Variants in RUNDC3B observed in about 807,000 individuals in gnomAD.
RUNDC3B encodes RUN domain containing 3B.
Under a neutral mutation model 58.4 loss-of-function variants are expected in RUNDC3B, and 33 were observed. The ratio of observed to expected loss-of-function variants is 0.56; its 90% confidence interval spans 0.43 to 0.75. The LOEUF (loss-of-function observed/expected upper bound fraction) is 0.75, where lower values mean the gene tolerates loss of function less well. RUNDC3B is among the 30% of genes least tolerant of loss of function. The pLI, the probability that RUNDC3B is intolerant of heterozygous loss-of-function variation, is 0.00. For synonymous variants in RUNDC3B, 193 were observed against 195.2 expected (o/e 0.99, Z 0.10); for missense variants, 501 against 535.7 (o/e 0.94, Z 0.64).
At chr7:87,724,320 CT>C (rs1223392071) in intron 4 of RUNDC3B, among the ~76,000 whole-genome samples, 1 of 152,020 alleles carries the variant, frequency 6.6e-6, no homozygotes, top group Non-Finnish European at 1.5e-5. Flanking sequence ...TAATGCTATG[CT>C]AAAAGCAGGG....
intron 6 of RUNDC3B, among the ~76,000 whole-genome samples, chr7:87,757,167 A>G (rs1833420735): frequency 6.6e-6 from 1 of 152,148 alleles, no homozygotes; most frequent in Non-Finnish European, 1.5e-5. Context: ...CTCCTGAGAC[A>G]TAGTTACTGT....
intron 10 of RUNDC3B, among the ~76,000 whole-genome samples, chr7:87,820,467 G>T (rs1321774360): frequency 6.6e-6 from 1 of 152,108 alleles, no homozygotes; most frequent in East Asian, 1.9e-4. Flanking sequence ...GTACAAGGAG[G>T]AACTGGTACC....
intron 4 of RUNDC3B, among the ~76,000 whole-genome samples, chr7:87,717,418 T>G (rs930040584): frequency 6.6e-6 from 1 of 152,060 alleles, no homozygotes; most frequent in African/African-American, 2.4e-5. Context: ...ACATAATTAC[T>G]AAATAAAAAT....
intron 6 of RUNDC3B, among the ~76,000 whole-genome samples, chr7:87,747,675 A>G (rs1036202140): frequency 6.6e-6 from 1 of 152,064 alleles, no homozygotes; most frequent in African/African-American, 2.4e-5. Context: ...TGTTGGGGAT[A>G]GGAGTGAGAT....
chr7:87,814,086 TGA>T (rs1836887447), intron 9 of RUNDC3B, among the ~76,000 whole-genome samples: 1 of 151,692 alleles, frequency 6.6e-6, no homozygotes, highest in Non-Finnish European at 1.5e-5. Flanking sequence ...TCTTGGAGAA[TGA>T]TTTCTTTCTT....
chr7:87,667,990 T>G (rs1825436845), intron 2 of RUNDC3B, among the ~76,000 whole-genome samples: 1 of 152,088 alleles, frequency 6.6e-6, no homozygotes, highest in African/African-American at 2.4e-5. Flanking sequence ...TAAGATGATG[T>G]TGGCCTTAGA....
At chr7:87,710,044 A>G (rs894509105) in intron 3 of RUNDC3B, among the ~76,000 whole-genome samples, 7 of 152,160 alleles carry the variant, frequency 4.6e-5, no homozygotes, top group Non-Finnish European at 4.4e-5. Flanking sequence ...CCCAAATTCA[A>G]TAGCTCATGA....
At chr7:87,820,919 C>G (rs1005812576) in intron 10 of RUNDC3B, among the ~76,000 whole-genome samples, 13 of 151,670 alleles carry the variant, frequency 8.6e-5, no homozygotes, top group African/African-American at 2.9e-4. Context: ...TATGACAAAC[C>G]CACAGCCAAT....
chr7:87,736,296 A>G (rs187870399), intron 4 of RUNDC3B, among the ~76,000 whole-genome samples: 55 of 152,312 alleles, frequency 3.6e-4, no homozygotes, highest in African/African-American at 1.2e-3. Flanking sequence ...GAAACATCAC[A>G]TTAGATAGTA....
chr7:87,699,073 C>T (rs1456634223), intron 2 of RUNDC3B, among the ~76,000 whole-genome samples: 1 of 152,144 alleles, frequency 6.6e-6, no homozygotes, highest in Non-Finnish European at 1.5e-5. Context: ...AGTCAAGTTA[C>T]ACTAATGTTC....
At position 87,739,785 on chromosome 7, in the gene RUNDC3B, T is replaced by C; in HGVS notation, c.459-6T>C. On this transcript the variant is annotated splice_polypyrimidine_tract_variant and splice_region_variant and intron_variant, in intron 4 of 10. Transcript: ENST00000394654. ...ATTTTATATATTCACCCATTTCATTTTTTAGGAGATTTTATGAAGATGGAG... is the reference window on the plus strand; with the variant it reads ...ATTTTATATATTCACCCATTTCATTCTTTAGGAGATTTTATGAAGATGGAG... 6.8e-7 allele frequency: 1 copy of C among 1,472,622 alleles called. No homozygotes were observed. Among genetic ancestry groups the C allele is most frequent in the Non-Finnish European group, 9.4e-7 (1 of 1,060,638 alleles). The allele number at this position is 1,472,622 out of a possible 1,614,324, so 91.2% of individuals were successfully genotyped here.
chr7:87,693,590 A>G (rs565365224), intron 2 of RUNDC3B, among the ~76,000 whole-genome samples: 3 of 152,198 alleles, frequency 2.0e-5, no homozygotes, highest in Admixed American at 6.6e-5. Context: ...GGTCTATTCT[A>G]CTCATCAGTT....
chr7:87,756,617 AAGT>A (rs1833389427), intron 6 of RUNDC3B, among the ~76,000 whole-genome samples: 1 of 152,028 alleles, frequency 6.6e-6, no homozygotes, highest in South Asian at 2.1e-4. Context: ...TATATTCAAA[AAGT>A]AGTAGTCTGA....
At chr7:87,711,076 C>A (rs1481290048) in intron 4 of RUNDC3B, among the ~76,000 whole-genome samples, 1 of 151,998 alleles carries the variant, frequency 6.6e-6, no homozygotes, top group Non-Finnish European at 1.5e-5. Context: ...CCTATAATCC[C>A]AGCACTTTGG....
chr7:87,661,699 G>A (rs1451796105), intron 2 of RUNDC3B, among the ~76,000 whole-genome samples: 1 of 151,934 alleles, frequency 6.6e-6, no homozygotes, highest in Non-Finnish European at 1.5e-5. Flanking sequence ...TGTGAATAGT[G>A]CTGCAATAAA....
At chr7:87,748,173 C>T (rs564123776) in intron 6 of RUNDC3B, among the ~76,000 whole-genome samples, 1 of 152,330 alleles carries the variant, frequency 6.6e-6, no homozygotes, top group South Asian at 2.1e-4. Flanking sequence ...TTCCCCTACC[C>T]CTGTATTTTG....
chr7:87,663,543 A>G (rs1212422103), intron 2 of RUNDC3B, among the ~76,000 whole-genome samples: 1 of 152,054 alleles, frequency 6.6e-6, no homozygotes, highest in African/African-American at 2.4e-5. Flanking sequence ...TTTCTACTCC[A>G]TCTTTCTGTT....
At chr7:87,680,065 C>T (rs1175986370) in intron 2 of RUNDC3B, among the ~76,000 whole-genome samples, 1 of 150,364 alleles carries the variant, frequency 6.7e-6, no homozygotes, top group Non-Finnish European at 1.5e-5. Flanking sequence ...TATGACGTTC[C>T]CCACCCTGTG....
chr7:87,819,388 A>C, intron 10 of RUNDC3B, among the ~76,000 whole-genome samples: 1 of 152,186 alleles, frequency 6.6e-6, no homozygotes, highest in African/African-American at 2.4e-5. Flanking sequence ...TTCATAAAGC[A>C]AGTCCTTAGT....
Sources: gnomAD v4.1 joint callset for allele counts (sites outside exome capture counted in the v4.1 genomes callset) on GRCh38, gnomAD v4.1.1 for gene constraint, MANE v1.5 for transcripts, NCBI Gene and HGNC (gene_info 2026-07-23, HGNC 2026-07-21) for gene names.